IGSF9B: variants seen among roughly 807,000 people sequenced by gnomAD.
IGSF9B encodes the protein immunoglobulin superfamily member 9B.
In IGSF9B, 48 loss-of-function variants were observed where a neutral mutation model predicts 143.7. The ratio of observed to expected loss-of-function variants is 0.33; its 90% CI spans 0.26 to 0.42. IGSF9B has a LOEUF of 0.42. Among genes scored for constraint, IGSF9B ranks in the 20% least tolerant of loss-of-function variants. The pLI, the probability that IGSF9B is intolerant of heterozygous loss-of-function variation, is 1.00. For synonymous variants in IGSF9B, 903 were observed against 833.1 expected, an observed-to-expected ratio of 1.08 and a Z score of -1.44; for missense variants, 1,706 against 1,980.0, an observed-to-expected ratio of 0.86 and a Z score of 2.63.
chr11:133,910,626 A>C (rs1351123179), intron 19 of IGSF9B, among the ~76,000 whole-genome samples: 1 of 152,134 alleles, frequency 6.6e-6, no homozygotes, highest in Non-Finnish European at 1.5e-5. Context: ...AAGGCGTATG[A>C]AACACCCAAG....
rs1198025411 is a variant in IGSF9B, at chr11:133,931,835, A to G, written c.1111-40T>C. 20 of 1,605,028 alleles carry G rather than the reference A, an allele frequency of 1.2e-5. No individual in the cohort carries two copies. Among genetic ancestry groups the G allele is most frequent in the Non-Finnish European group, 1.7e-5 (20 of 1,177,000 alleles). The stretch of plus-strand genomic sequence containing the variant: ...CGATAGGGCAGGGAACGCTGGTCAG[A>G]GACTCCGCGCTCCATCCCAGGCTGG... On this transcript the variant is annotated intron_variant, in intron 8 of 19. Transcript: ENST00000533871. This position sits in a 1 kb window ranked among gnomAD's most constrained non-coding sequence, Gnocchi z 7.7.
In IGSF9B at chr11:133,897,934, A is replaced by C. The variant is rs906262540; in HGVS notation, c.*11135T>G. ...CCATACATACATACAGAAAAGAAAGAGAGAGAGAGGGAGAACACAAAAGCC... is the reference window on the plus strand; with the variant it reads ...CCATACATACATACAGAAAAGAAAGCGAGAGAGAGGGAGAACACAAAAGCC... On this transcript the variant is annotated 3_prime_UTR_variant, in exon 20 of 20. Transcript: ENST00000533871. The C allele has an allele frequency of 6.6e-6, 1 of 150,848 alleles. No individual in the cohort carries two copies. Among genetic ancestry groups the C allele is most frequent in the Non-Finnish European group, 1.5e-5 (1 of 68,000 alleles). The allele number at this position is 150,848 out of a possible 1,614,324, so 9.3% of individuals were successfully genotyped here. A position where few individuals can be genotyped will look rare whatever the true frequency, so the allele number is the denominator to read the frequency against.
Position 133,931,856 on chromosome 11 carries a change from G to A in IGSF9B, c.1111-61C>T. ...TCAGAGACTCCGCGCTCCATCCCAGGCTGGGTCCCAGCTGGGCCAGGCAGC... is the reference window on the plus strand; with the variant it reads ...TCAGAGACTCCGCGCTCCATCCCAGACTGGGTCCCAGCTGGGCCAGGCAGC... On this transcript the variant is annotated intron_variant, in intron 8 of 19. Coordinates refer to ENST00000533871, the MANE Select transcript of IGSF9B (RefSeq NM_001277285.4). The surrounding 1 kb of genome is among the most constrained non-coding windows in gnomAD (Gnocchi z 7.7). 4.4e-6 allele frequency: 7 copies of A among 1,588,582 alleles called. No homozygotes were observed. Among genetic ancestry groups the A allele is most frequent in the Non-Finnish European group, 6.0e-6 (7 of 1,170,828 alleles).
rs1351781620 is a variant in IGSF9B, at chr11:133,948,048, C to A, written c.65-1790G>T. On this transcript the variant is annotated intron_variant, in intron 1 of 19. Coordinates refer to ENST00000533871, the MANE Select transcript of IGSF9B (RefSeq NM_001277285.4). The surrounding 1 kb of genome is among the most constrained non-coding windows in gnomAD (Gnocchi z 4.7). Reference sequence around the variant, plus strand: ...CTCTCTCCCTGTTTCTGTCTACCAGCATGTGTGCGTGTGTGTGTGTGTGTG... The same window carrying A: ...CTCTCTCCCTGTTTCTGTCTACCAGAATGTGTGCGTGTGTGTGTGTGTGTG... 1.6e-5 allele frequency among the ~76,000 whole-genome samples: 2 copies of A among 127,424 alleles called. No individual in the cohort carries two copies. The highest frequency in any genetic ancestry group is 3.2e-5 in the Non-Finnish European group (2 of 61,952). 83.6% of individuals were successfully genotyped at this position (127,424 alleles called of 152,430 possible).
rs1275838275 is a variant in IGSF9B at position 133,903,926 on chromosome 11, G to A, written c.*5143C>T. On this transcript the variant is annotated 3_prime_UTR_variant, in exon 20 of 20. Transcript: ENST00000533871. ...TGGTTTACTGACTTCTTCTAAAGAA[G>A]AGATTTTTCATTCTGCCTCTTAATC... Among the ~76,000 whole-genome samples, 1 of 152,166 alleles carries A rather than the reference G, an allele frequency of 6.6e-6. No individual in the cohort carries two copies. Among genetic ancestry groups the A allele is most frequent in the African/African-American group, 2.4e-5 (1 of 41,440 alleles).
rs1940200236 is a variant in IGSF9B at position 133,953,502 on chromosome 11, T to G, written c.64+3189A>C. Reference sequence around the variant, plus strand: ...CGATAGGCTCACCACGGGGTCTTGATAGCAACCTCTGAGTCCAAACCTCCA... The same window carrying G: ...CGATAGGCTCACCACGGGGTCTTGAGAGCAACCTCTGAGTCCAAACCTCCA... On this transcript the variant is annotated intron_variant, in intron 1 of 19. Transcript: ENST00000533871. This position sits in a 1 kb window ranked among gnomAD's most constrained non-coding sequence, Gnocchi z 4.2. Among the ~76,000 whole-genome samples, 1 of 152,184 alleles carries G rather than the reference T, an allele frequency of 6.6e-6. No individual in the cohort carries two copies. Among genetic ancestry groups the G allele is most frequent in the Admixed American group, 6.5e-5 (1 of 15,282 alleles).
chr11:133,919,487 C>G (rs983909945), intron 18 of IGSF9B, among the ~76,000 whole-genome samples: 1 of 152,226 alleles, frequency 6.6e-6, no homozygotes, highest in Admixed American at 6.5e-5. Context: ...GTGGTGCGCC[C>G]GCCGAGAGCT....
chr11:133,915,636 G>A (rs1279810433), intron 18 of IGSF9B, among the ~76,000 whole-genome samples: 1 of 152,146 alleles, frequency 6.6e-6, no homozygotes, highest in African/African-American at 2.4e-5. Context: ...AGCTTACCCA[G>A]AAGAGCTGAG....
intron 5 of IGSF9B, 105 bp from the exon 6 acceptor site, chr11:133,936,299 CTG>C (rs2121319971): frequency 1.0e-6 from 1 of 995,246 alleles, no homozygotes; most frequent in East Asian, 2.6e-5. Flanking sequence ...GCCCTGAACA[CTG>C]CGATGGGGGC....
chr11:133,956,652 C>T, intron 1 of IGSF9B, 39 bp downstream of exon 1: 5 of 1,437,726 alleles, frequency 3.5e-6, no homozygotes, highest in Non-Finnish European at 4.7e-6. Context: ...GCCGAGGGCG[C>T]CGGGAGGGGC....
At chr11:133,938,103 C>T (rs1338186798) in intron 3 of IGSF9B, 142 bp from the exon 4 acceptor site, 1 of 919,740 alleles carries the variant, frequency 1.1e-6, no homozygotes, top group East Asian at 2.7e-5. Context: ...ATGGGAAAAA[C>T]TTTCTGCCTA....
At chr11:133,937,035 T>C (rs1375635716) in intron 5 of IGSF9B, among the ~76,000 whole-genome samples, 1 of 152,142 alleles carries the variant, frequency 6.6e-6, no homozygotes, top group African/African-American at 2.4e-5. Context: ...CACTAATGGA[T>C]AGATGACCCC....
In IGSF9B at chr11:133,903,367, C is replaced by T. The variant is rs180696159; in HGVS notation, c.*5702G>A. Among the ~76,000 whole-genome samples, 11 of 152,286 alleles carry T rather than the reference C, an allele frequency of 7.2e-5. No homozygotes were observed. In the East Asian group the frequency reaches 1.9e-3, roughly 27 times the overall value. On this transcript the variant is annotated 3_prime_UTR_variant, in exon 20 of 20. Transcript: ENST00000533871. The stretch of plus-strand genomic sequence containing the variant: ...ACGGGGTTAAAACTGTCCAATCTAG[C>T]TCTCCCAGCCAGGGCTCCAAAGCCG...
At position 133,897,158 on chromosome 11, in the gene IGSF9B, T is replaced by C. The variant is rs1258392089; in HGVS notation, c.*11911A>G. 2.6e-5 allele frequency: 4 copies of C among 151,804 alleles called. No individual in the cohort carries two copies. Among genetic ancestry groups the C allele is most frequent in the African/African-American group, 9.7e-5 (4 of 41,318 alleles). The allele number at this position is 151,804 out of a possible 1,614,324, so 9.4% of individuals were successfully genotyped here. A position where few individuals can be genotyped will look rare whatever the true frequency, so the allele number is the denominator to read the frequency against. On this transcript the variant is annotated 3_prime_UTR_variant, in exon 20 of 20. Transcript: ENST00000533871. ...GGGAAAAAAAGCACCTGATTGAGAG[T>C]GTAGCTGTTTCCAATACACCTCCCT...
chr11:133,947,081 G>C (rs1940066331), intron 1 of IGSF9B, among the ~76,000 whole-genome samples: 1 of 152,174 alleles, frequency 6.6e-6, no homozygotes, highest in South Asian at 2.1e-4. Context: ...CGGTGGGATA[G>C]GGAACACCCA....
At chr11:133,940,657 CAT>C (rs749903974) in intron 3 of IGSF9B, among the ~76,000 whole-genome samples, 5 of 146,484 alleles carry the variant, frequency 3.4e-5, no homozygotes, top group Non-Finnish European at 6.0e-5. Context: ...CACGCAAAAA[CAT>C]ACACCTCGCA....
intron 18 of IGSF9B, among the ~76,000 whole-genome samples, chr11:133,919,279 A>T (rs543146110): frequency 6.6e-6 from 1 of 152,080 alleles, no homozygotes; most frequent in Non-Finnish European, 1.5e-5. Context: ...GGTGGTCTGG[A>T]GAAGTCAGGC....
At position 133,920,570 on chromosome 11, in the gene IGSF9B, G is replaced by T; in HGVS notation, c.3155C>A (p.Thr1052Asn). 1 of 1,613,310 alleles carries T rather than the reference G, an allele frequency of 6.2e-7. No individual in the cohort carries two copies. Among genetic ancestry groups the T allele is most frequent in the South Asian group, 1.1e-5 (1 of 91,072 alleles). Residue 1052 changes from threonine (T) to asparagine (N), a missense_variant, in exon 18 of 20, where the codon ACC becomes AAC. Thr to Asn is a moderately conservative substitution (Grantham distance 65, BLOSUM62 0). This residue lies in a region of IGSF9B where 880 missense variants were observed against 762.9 expected (regional missense o/e 1.15). Transcript: ENST00000533871. The part of the protein sequence containing the change: ...RPEFPFGGLE[T>N]PAMMFPHQLP... ...CTGGTGGGGGAACATCATCGCTGGG[G>T]TCTCCAGCCCCCCGAAGGGGAATTC...
At position 133,901,945 on chromosome 11, in the gene IGSF9B, ACATCACACACATGCACACCG is replaced by A. The variant is rs1330246396; in HGVS notation, c.*7104_*7123del. 9.8e-5 allele frequency among the ~76,000 whole-genome samples: 12 copies of A among 122,656 alleles called. No individual in the cohort carries two copies. The highest frequency in any genetic ancestry group is 1.7e-4 in the African/African-American group (5 of 29,314). 80.5% of individuals were successfully genotyped at this position (122,656 alleles called of 152,430 possible). ...ACACCAAACCACACAACACACACAC[ACATCACACACATGCACACCG>A]CATCACACACATGCACACCAGACAC... is the stretch of plus-strand genomic sequence containing the variant. On this transcript the variant is annotated 3_prime_UTR_variant, in exon 20 of 20. Coordinates refer to ENST00000533871, the MANE Select transcript of IGSF9B (RefSeq NM_001277285.4).
Sources: allele counts gnomAD v4.1 joint callset (sites outside exome capture counted in the v4.1 genomes callset), GRCh38; gene constraint gnomAD v4.1.1; regional missense constraint gnomAD v4.1.1; non-coding constraint Gnocchi (gnomAD v3.1); transcripts MANE v1.5; gene names NCBI Gene and HGNC (gene_info 2026-07-23, HGNC 2026-07-21).